Variants in LMAN2 observed in about 807,000 individuals in gnomAD.
LMAN2 encodes vesicular integral-membrane protein VIP36.
Under a neutral mutation model 39.3 loss-of-function variants are expected in LMAN2, and 22 were observed. The observed-to-expected ratio is 0.56, with a 90% CI of 0.40 to 0.80. LMAN2 has a LOEUF of 0.80. Among genes scored for constraint, LMAN2 ranks in the 30% least tolerant of loss-of-function variants. The pLI is 0.00. For missense variants in LMAN2, 494 were observed against 505.4 expected (o/e 0.98, Z 0.22); for synonymous variants, 207 against 207.8 (o/e 1.00, Z 0.03).
At chr5:177,341,054 CTTTTT>C (rs1192615345) in intron 2 of LMAN2, among the ~76,000 whole-genome samples, 2 of 127,224 alleles carry the variant, frequency 1.6e-5, no homozygotes, top group East Asian at 2.1e-4. Flanking sequence ...CACGCCCAGC[CTTTTT>C]TTTTCTTTTT....
intron 2 of LMAN2, among the ~76,000 whole-genome samples, chr5:177,342,111 G>A (rs1451960060): frequency 6.6e-6 from 1 of 152,066 alleles, no homozygotes; most frequent in Admixed American, 6.6e-5. Context: ...TGGACTAAAT[G>A]CTAAATAAAA....
intron 2 of LMAN2, among the ~76,000 whole-genome samples, chr5:177,346,669 A>G (rs2127319229): frequency 6.6e-6 from 1 of 151,870 alleles, no homozygotes; most frequent in South Asian, 2.1e-4. Flanking sequence ...AATTTTTTTA[A>G]CACTTTTTTT....
At chr5:177,336,982 G>A in intron 6 of LMAN2, 154 bp downstream of exon 6, 1 of 633,418 alleles carries the variant, frequency 1.6e-6, no homozygotes, top group Non-Finnish European at 2.8e-6. Flanking sequence ...AGGAACTGAG[G>A]CCCGGACAGG....
At chr5:177,349,104 C>T (rs1280120235) in intron 2 of LMAN2, among the ~76,000 whole-genome samples, 1 of 152,296 alleles carries the variant, frequency 6.6e-6, no homozygotes, top group African/African-American at 2.4e-5. Context: ...AGCCTCCGCA[C>T]AAGACCCCCA....
Position 177,336,551 on chromosome 5 carries a change from A to G in LMAN2, c.790+585T>C, listed in dbSNP as rs183672101. Among the ~76,000 whole-genome samples the G allele has an allele frequency of 1.1e-3, 173 of 152,312 alleles. 1 individual carries two copies. In the South Asian group the frequency reaches 0.012, roughly 11 times the overall value. Reference sequence around the variant, plus strand: ...AGTCAGGGAGGGGAGGGAAGTGGTGAGACGTGCTGTGAAAATAAAGCCACA... The same window carrying G: ...AGTCAGGGAGGGGAGGGAAGTGGTGGGACGTGCTGTGAAAATAAAGCCACA... On this transcript the variant is annotated intron_variant, in intron 6 of 7. Transcript: ENST00000303127.
intron 2 of LMAN2, among the ~76,000 whole-genome samples, chr5:177,343,935 C>T (rs1325005111): frequency 2.6e-5 from 4 of 151,992 alleles, no homozygotes; most frequent in African/African-American, 4.8e-5. Context: ...ATGGGCCAGG[C>T]GCAGTAGCTC....
In LMAN2 at chr5:177,332,296, C is replaced by T; in HGVS notation, c.911-50G>A. 1.3e-6 allele frequency: 2 copies of T among 1,554,226 alleles called. No individual in the cohort carries two copies. Among genetic ancestry groups the T allele is most frequent in the South Asian group, 1.1e-5 (1 of 87,374 alleles). ...TGAAACGGCAGCACGGGCCGGGGAT[C>T]AGGGGGCTGCAGGAGGGCAGTGGGG... On this transcript the variant is annotated intron_variant, in intron 7 of 7. Transcript: ENST00000303127. The surrounding 1 kb of genome is among the most constrained non-coding windows in gnomAD (Gnocchi z 6.3).
intron 2 of LMAN2, among the ~76,000 whole-genome samples, chr5:177,342,625 G>T (rs1277106936): frequency 6.6e-6 from 1 of 152,128 alleles, no homozygotes; most frequent in Non-Finnish European, 1.5e-5. Context: ...GGTCAAGGCT[G>T]CAGTGAGCCG....
At chr5:177,334,008 C>T (rs564788511) in intron 7 of LMAN2, among the ~76,000 whole-genome samples, 2 of 152,376 alleles carry the variant, frequency 1.3e-5, no homozygotes, top group Non-Finnish European at 2.9e-5. Context: ...ACAGCACTCA[C>T]GTGACTAGGA....
At position 177,337,837 on chromosome 5, in the gene LMAN2, TG is replaced by T; in HGVS notation, c.434-53del. 6.4e-7 allele frequency: 1 copy of T among 1,554,582 alleles called. No homozygotes were observed. Among genetic ancestry groups the T allele is most frequent in the Non-Finnish European group, 8.8e-7 (1 of 1,133,506 alleles). ...AATGGGAGAAACAGGAGCCGTCCCA[TG>T]GGTACCTAAAAGGCAAGCAATGCCA... is the stretch of plus-strand genomic sequence containing the variant. On this transcript the variant is annotated intron_variant, in intron 3 of 7. Transcript: ENST00000303127. The surrounding 1 kb of genome is among the most constrained non-coding windows in gnomAD (Gnocchi z 8.2).
intron 2 of LMAN2, among the ~76,000 whole-genome samples, chr5:177,347,000 C>G (rs1761646318): frequency 6.6e-6 from 1 of 152,136 alleles, no homozygotes; most frequent in Non-Finnish European, 1.5e-5. Flanking sequence ...AATCCACATT[C>G]ATAAGCACAA....
intron 2 of LMAN2, among the ~76,000 whole-genome samples, chr5:177,347,119 T>A (rs924333719): frequency 3.1e-4 from 47 of 151,748 alleles, no homozygotes; most frequent in African/African-American, 1.1e-3. Context: ...TTGAAAACTT[T>A]AAAAAAAAAT....
chr5:177,337,285 C>T lies in LMAN2; in HGVS notation c.676-35G>A, dbSNP rs758851103. 1.9e-6 allele frequency: 3 copies of T among 1,612,280 alleles called. No individual in the cohort carries two copies. The highest frequency in any genetic ancestry group is 3.3e-5 in the Admixed American group (2 of 60,000). ...CCAGCACGCTAAGCACCTCGCAGGACAGCAGCCTGCCCTCCTGAGCCTCTG... is the reference window on the plus strand; with the variant it reads ...CCAGCACGCTAAGCACCTCGCAGGATAGCAGCCTGCCCTCCTGAGCCTCTG... On this transcript the variant is annotated intron_variant, in intron 5 of 7. Transcript: ENST00000303127. The surrounding 1 kb of genome is among the most constrained non-coding windows in gnomAD (Gnocchi z 8.2).
In LMAN2 at chr5:177,334,621, G is replaced by A. The variant is rs113475596; in HGVS notation, c.791-218C>T. On this transcript the variant is annotated intron_variant, in intron 6 of 7. Transcript: ENST00000303127. ...GGCAGAGTGGAGAGAAAACAGTAAGGGCTTTACAAGCAGAATCATCTGGGT... is the reference window on the plus strand; with the variant it reads ...GGCAGAGTGGAGAGAAAACAGTAAGAGCTTTACAAGCAGAATCATCTGGGT... 1.2e-3 allele frequency: 633 copies of A among 513,888 alleles called. 5 individuals carry two copies. Among genetic ancestry groups the A allele is most frequent in the African/African-American group, 0.011 (550 of 51,722 alleles). The allele number at this position is 513,888 out of a possible 1,614,324, so 31.8% of individuals were successfully genotyped here.
At chr5:177,348,549 A>G (rs185940163) in intron 2 of LMAN2, among the ~76,000 whole-genome samples, 31 of 152,102 alleles carry the variant, frequency 2.0e-4, no homozygotes, top group African/African-American at 7.2e-4. Context: ...TTAGCTGGAC[A>G]TGGCAGTGCG....
At position 177,332,046 on chromosome 5, in the gene LMAN2, G is replaced by A. The variant is rs1052206690; in HGVS notation, c.*40C>T. 1.3e-6 allele frequency: 2 copies of A among 1,535,518 alleles called. No homozygotes were observed. The highest frequency in any genetic ancestry group is 2.8e-5 in the African/African-American group (2 of 71,716). ...CCCGGTAAAAAAAAAAGTTCACATT[G>A]GCTCCTGGGCCCAGGGACAGGCCCC... On this transcript the variant is annotated 3_prime_UTR_variant, in exon 8 of 8. Transcript: ENST00000303127. The surrounding 1 kb of genome is among the most constrained non-coding windows in gnomAD (Gnocchi z 6.3).
At chr5:177,351,368 T>C (rs1761721232) in intron 1 of LMAN2, 77 bp from the exon 2 acceptor site, 5 of 1,605,558 alleles carry the variant, frequency 3.1e-6, no homozygotes, top group African/African-American at 2.7e-5. Flanking sequence ...AGAGATGCTC[T>C]GCTCAGGAGA....
intron 2 of LMAN2, among the ~76,000 whole-genome samples, chr5:177,349,789 A>AGACAGAATGT (rs979246600): frequency 2.6e-5 from 4 of 152,260 alleles, no homozygotes; most frequent in African/African-American, 9.6e-5. Flanking sequence ...GAAAGCCCTA[A>AGACAGAATGT]GACAGAATGT....
chr5:177,337,273 C>T lies in LMAN2; in HGVS notation c.676-23G>A, dbSNP rs199672677. On this transcript the variant is annotated intron_variant, in intron 5 of 7. Transcript: ENST00000303127. This position sits in a 1 kb window ranked among gnomAD's most constrained non-coding sequence, Gnocchi z 8.2. ...CACCTGCAGGGCCCAGCACGCTAAG[C>T]ACCTCGCAGGACAGCAGCCTGCCCT... The T allele has an allele frequency of 3.7e-6, 6 of 1,613,368 alleles. No individual in the cohort carries two copies. In the African/African-American group the frequency reaches 4.0e-5, roughly 11 times the overall value.
Sources: allele counts gnomAD v4.1 joint callset (sites outside exome capture counted in the v4.1 genomes callset), GRCh38; gene constraint gnomAD v4.1.1; non-coding constraint Gnocchi (gnomAD v3.1); transcripts MANE v1.5; gene names NCBI Gene and HGNC (gene_info 2026-07-23, HGNC 2026-07-21).